Variants in SPIRE2 observed in about 807,000 individuals in gnomAD.
SPIRE2 encodes protein spire homolog 2.
Under a neutral mutation model 80.7 loss-of-function variants are expected in SPIRE2, and 76 were observed. The observed-to-expected ratio is 0.94, with a 90% CI of 0.78 to 1.14. The LOEUF is 1.14. Ranked by LOEUF, SPIRE2 falls within the 50% of genes most tolerant of loss-of-function variation. The pLI is 0.00. For synonymous variants in SPIRE2, 535 were observed against 432.6 expected (o/e 1.24, Z -2.94); for missense variants, 1,196 against 1,015.3 (o/e 1.18, Z -2.42).
intron 1 of SPIRE2, among the ~76,000 whole-genome samples, chr16:89,833,072 C>G (rs2041402989): frequency 6.6e-6 from 1 of 151,612 alleles, no homozygotes; most frequent in Non-Finnish European, 1.5e-5. Context: ...CTCACTGCAA[C>G]CTCTGCCTCC....
chr16:89,860,933 G>A (rs897329224), intron 10 of SPIRE2, 138 bp downstream of exon 10: 4 of 562,460 alleles, frequency 7.1e-6, no homozygotes, highest in Admixed American at 4.1e-5. Context: ...CTGGGGGGGC[G>A]CGGTCTGAAC....
intron 3 of SPIRE2, among the ~76,000 whole-genome samples, chr16:89,850,994 G>T (rs1434851870): frequency 6.6e-6 from 1 of 151,998 alleles, no homozygotes; most frequent in Non-Finnish European, 1.5e-5. Context: ...CCACCACCAT[G>T]CCTGGTAGTA....
chr16:89,844,569 G>T (rs943763377), intron 1 of SPIRE2, among the ~76,000 whole-genome samples: 1 of 151,746 alleles, frequency 6.6e-6, no homozygotes, highest in African/African-American at 2.4e-5. Context: ...CTCCCGAGTA[G>T]CTGGGACTAC....
intron 7 of SPIRE2, 42 bp from the exon 8 acceptor site, chr16:89,858,296 C>G (rs781745233): frequency 1.3e-6 from 2 of 1,517,484 alleles, no homozygotes; most frequent in Admixed American, 2.1e-5. Flanking sequence ...CTGCTGTCTC[C>G]CCGTTCACTG....
intron 1 of SPIRE2, among the ~76,000 whole-genome samples, chr16:89,842,230 T>TTTTG (rs1190281257): frequency 7.4e-6 from 1 of 134,656 alleles, no homozygotes; most frequent in East Asian, 2.2e-4. Flanking sequence ...TTTTTTTTTT[T>TTTTG]GTGACGGAGT....
intron 1 of SPIRE2, among the ~76,000 whole-genome samples, chr16:89,829,553 G>A (rs564703858): frequency 1.7e-4 from 26 of 152,346 alleles, no homozygotes; most frequent in Non-Finnish European, 3.2e-4. Context: ...ACTCTCTCCA[G>A]GCCTGAGAGC....
chr16:89,850,521 C>T lies in SPIRE2; in HGVS notation c.506C>T (p.Ala169Val). The T allele has an allele frequency of 6.6e-7, 1 of 1,523,516 alleles. No homozygotes were observed. The highest frequency in any genetic ancestry group is 8.8e-7 in the Non-Finnish European group (1 of 1,139,708). 94.4% of individuals were successfully genotyped at this position (1,523,516 alleles called of 1,614,324 possible). The change falls in exon 3 of 15, where the codon GCC becomes GTC. Residue 169 changes from alanine to valine, a missense_variant. By Grantham distance (64) the Ala-to-Val change is moderately conservative. Transcript: ENST00000378247. ...EGVPRSVRTFAQAMRLCAARL... is the reference protein window; with the variant it reads ...EGVPRSVRTFVQAMRLCAARL... Reference sequence around the variant, plus strand: ...GTCCCCCGCAGCGTGCGCACCTTTGCCCAGGCCATGCGGCTGTGCGCGGCG... The same window carrying T: ...GTCCCCCGCAGCGTGCGCACCTTTGTCCAGGCCATGCGGCTGTGCGCGGCG...
intron 12 of SPIRE2, among the ~76,000 whole-genome samples, chr16:89,865,054 T>G (rs1380691299): frequency 6.7e-6 from 1 of 149,116 alleles, no homozygotes; most frequent in East Asian, 2.0e-4. Context: ...GCGCCCAGGC[T>G]GGAGTGCAGT....
intron 5 of SPIRE2, among the ~76,000 whole-genome samples, chr16:89,855,335 C>A (rs991776921): frequency 6.6e-6 from 1 of 152,134 alleles, no homozygotes; most frequent in Non-Finnish European, 1.5e-5. Flanking sequence ...GCCACCCCAC[C>A]CCACCTCCAG....
At chr16:89,864,994 A>C (rs967645191) in intron 12 of SPIRE2, among the ~76,000 whole-genome samples, 1 of 144,266 alleles carries the variant, frequency 6.9e-6, no homozygotes, top group Non-Finnish European at 1.5e-5. Context: ...TTGGAAGTAT[A>C]CTTTTTTTCC....
In SPIRE2 at chr16:89,850,303, G is replaced by A; in HGVS notation, c.289-1G>A. The A allele has an allele frequency of 6.2e-7, 1 of 1,602,442 alleles. No homozygotes were observed. The highest frequency in any genetic ancestry group is 8.5e-7 in the Non-Finnish European group (1 of 1,177,604). ...CCAGTGACCGCGCCCCTGTCCCGCA[G>A]ACCGTGCAGTCCCTCGGCTTCGCCA... is the stretch of plus-strand genomic sequence containing the variant. On this transcript the variant is annotated splice_acceptor_variant, in intron 2 of 14. Transcript: ENST00000378247. LOFTEE classifies it high-confidence loss of function.
At chr16:89,833,106 C>T (rs1161778362) in intron 1 of SPIRE2, among the ~76,000 whole-genome samples, 2 of 152,082 alleles carry the variant, frequency 1.3e-5, no homozygotes, top group African/African-American at 4.8e-5. Flanking sequence ...ATTCTCCTGC[C>T]TCAGCCTCCG....
At chr16:89,869,053 A>AAAAAAAAATATATATAT in intron 13 of SPIRE2, among the ~76,000 whole-genome samples, 6 of 24,028 alleles carry the variant, frequency 2.5e-4, no homozygotes, top group African/African-American at 3.3e-4. Flanking sequence ...AAAAAAAAAA[A>AAAAAAAAATATATATAT]ATATATATAT....
intron 13 of SPIRE2, among the ~76,000 whole-genome samples, chr16:89,869,053 A>AAAAAATAT: frequency 6.2e-4 from 15 of 24,026 alleles, no homozygotes; most frequent in South Asian, 1.9e-3. Flanking sequence ...AAAAAAAAAA[A>AAAAAATAT]ATATATATAT....
intron 1 of SPIRE2, among the ~76,000 whole-genome samples, chr16:89,844,771 CAG>C (rs2041541583): frequency 6.6e-6 from 1 of 152,172 alleles, no homozygotes; most frequent in Non-Finnish European, 1.5e-5. Context: ...TTTGTAGCCA[CAG>C]GGGCTTACTA....
chr16:89,859,534 A>G (rs2041723615), intron 9 of SPIRE2, among the ~76,000 whole-genome samples, 180 bp downstream of exon 9: 1 of 152,018 alleles, frequency 6.6e-6, no homozygotes, highest in Non-Finnish European at 1.5e-5. Context: ...TAACTTGAAA[A>G]CTTACTAAGT....
chr16:89,850,718 G>A (rs761288088), intron 3 of SPIRE2, 58 bp downstream of exon 3: 4 of 1,193,480 alleles, frequency 3.4e-6, no homozygotes, highest in Non-Finnish European at 4.5e-6. Context: ...GGGGAGCAGT[G>A]GGTGGGAGGG....
At position 89,869,045 on chromosome 16, in the gene SPIRE2, A is replaced by ACATATATATATAT. The variant is rs1185522189; in HGVS notation, c.1807-522_1807-521insCATATATATATAT. On this transcript the variant is annotated intron_variant, in intron 13 of 14. Coordinates refer to ENST00000378247, the MANE Select transcript of SPIRE2 (RefSeq NM_032451.2). ...GATCTGTGTCTTAAAAAAAAAAAAA[A>ACATATATATATAT]AAAAAAAAATATATATATATATATA... 4.8e-4 allele frequency among the ~76,000 whole-genome samples: 18 copies of ACATATATATATAT among 37,184 alleles called. 2 individuals are homozygous for ACATATATATATAT. In the East Asian group the frequency reaches 9.4e-3, roughly 19 times the overall value. 24.4% of individuals were successfully genotyped at this position (37,184 alleles called of 152,430 possible).
At chr16:89,847,544 GT>G (rs1567672554) in intron 2 of SPIRE2, among the ~76,000 whole-genome samples, 1 of 152,188 alleles carries the variant, frequency 6.6e-6, no homozygotes, top group East Asian at 1.9e-4. Flanking sequence ...AGCCTGGACT[GT>G]TTGTCTCAGA....
Sources: allele counts gnomAD v4.1 joint callset (sites outside exome capture counted in the v4.1 genomes callset), GRCh38; gene constraint gnomAD v4.1.1; transcripts MANE v1.5; gene names NCBI Gene and HGNC (gene_info 2026-07-23, HGNC 2026-07-21).